CACNA1A: variants seen among roughly 807,000 people sequenced by gnomAD.
CACNA1A encodes the protein calcium voltage-gated channel subunit alpha1 A, also known as voltage-dependent P/Q-type calcium channel subunit alpha-1A.
CACNA1A carries 57 observed loss-of-function variants against 262.4 expected under a neutral mutation model. The observed-to-expected ratio is 0.22, with a 90% CI of 0.18 to 0.27. The LOEUF (loss-of-function observed/expected upper bound fraction) is 0.27, where lower values mean the gene tolerates loss of function less well. Among genes scored for constraint, CACNA1A ranks in the 10% least tolerant of loss-of-function variants. CACNA1A has a pLI of 1.00. For synonymous variants in CACNA1A, 1,431 were observed against 1,419.3 expected (o/e 1.01, Z -0.18); for missense variants, 2,526 against 3,562.8 (o/e 0.71, Z 7.41).
At chr19:13,208,115 C>T (rs1388982438) in intron 46 of CACNA1A, 62 bp from the exon 47 acceptor site, 3 of 993,964 alleles carry the variant, frequency 3.0e-6, no homozygotes, top group East Asian at 1.1e-4. Flanking sequence ...AAAGGAGACA[C>T]GGGATTGGGA....
At chr19:13,305,361 C>G (rs1231234181) in intron 15 of CACNA1A, among the ~76,000 whole-genome samples, 1 of 152,180 alleles carries the variant, frequency 6.6e-6, no homozygotes, top group Non-Finnish European at 1.5e-5. Flanking sequence ...TAGGTGTTGA[C>G]AGACGCAAGT....
intron 3 of CACNA1A, among the ~76,000 whole-genome samples, chr19:13,414,166 C>A (rs902063172): frequency 6.6e-6 from 1 of 151,656 alleles, no homozygotes; most frequent in African/African-American, 2.4e-5. Context: ...ATTGAAACTG[C>A]AATGAACTTT....
chr19:13,220,316 G>A (rs139681347), intron 38 of CACNA1A, among the ~76,000 whole-genome samples: 152 of 152,080 alleles, frequency 1.0e-3, no homozygotes, highest in African/African-American at 3.3e-3. Context: ...GATGATCAGG[G>A]TAGGCCTGCC....
rs1418873944 is a variant in CACNA1A, at chr19:13,214,136, C to T, written c.5940+97G>A. On this transcript the variant is annotated intron_variant, in intron 40 of 46. Transcript: ENST00000360228. This position sits in a 1 kb window ranked among gnomAD's most constrained non-coding sequence, Gnocchi z 4.1. ...AGCCCCTACTTTTCAGGGACCTGCC[C>T]TGGGGCTCAGCCACCCTCATATTCC... 2 of 991,890 alleles carry T rather than the reference C, an allele frequency of 2.0e-6. No individual in the cohort carries two copies. Among genetic ancestry groups the T allele is most frequent in the African/African-American group, 3.2e-5 (2 of 62,776 alleles). 61.4% of individuals were successfully genotyped at this position (991,890 alleles called of 1,614,324 possible). A position where few individuals can be genotyped will look rare whatever the true frequency, so the allele number is the denominator to read the frequency against.
chr19:13,359,096 T>C (rs1417356001), intron 6 of CACNA1A, among the ~76,000 whole-genome samples: 1 of 152,154 alleles, frequency 6.6e-6, no homozygotes, highest in Non-Finnish European at 1.5e-5. Flanking sequence ...AATCTGGCCA[T>C]GGGCAGGGAA....
chr19:13,326,263 C>T (rs748589558), intron 10 of CACNA1A, among the ~76,000 whole-genome samples: 3 of 150,630 alleles, frequency 2.0e-5, no homozygotes, highest in African/African-American at 4.9e-5. Flanking sequence ...TGCAGTGAGC[C>T]GAGATCGCAC....
At position 13,388,321 on chromosome 19, in the gene CACNA1A, T is replaced by C. The variant is rs553140026; in HGVS notation, c.540-16542A>G. 2.4e-4 allele frequency among the ~76,000 whole-genome samples: 35 copies of C among 145,116 alleles called. No individual in the cohort carries two copies. In the South Asian group the frequency reaches 7.4e-3, roughly 31 times the overall value. On this transcript the variant is annotated intron_variant, in intron 3 of 46. Coordinates refer to ENST00000360228, the MANE Select transcript of CACNA1A (RefSeq NM_001127222.2). The stretch of plus-strand genomic sequence containing the variant: ...CCCAGGCTGGAGTGCAATGGTGTGA[T>C]CTCAGCTCAATGCAACCTCTGCCTC...
chr19:13,478,057 G>A (rs183435550), intron 1 of CACNA1A, among the ~76,000 whole-genome samples: 16 of 152,184 alleles, frequency 1.1e-4, no homozygotes, highest in Admixed American at 3.3e-4. Flanking sequence ...TCTGTTCTTG[G>A]AAACTCAAAG....
chr19:13,325,883 T>G (rs1472920899), intron 10 of CACNA1A, among the ~76,000 whole-genome samples: 1 of 152,256 alleles, frequency 6.6e-6, no homozygotes, highest in African/African-American at 2.4e-5. Flanking sequence ...TTATTACATA[T>G]GCTTATCACT....
intron 33 of CACNA1A, 26 bp from the exon 34 acceptor site, chr19:13,235,062 G>A (rs2055827835): frequency 2.5e-6 from 4 of 1,576,270 alleles, no homozygotes; most frequent in Admixed American, 3.3e-5. Flanking sequence ...GTGACGACCA[G>A]GGGCTGCCAT....
intron 9 of CACNA1A, 146 bp downstream of exon 9, chr19:13,332,723 G>T (rs777063567): frequency 3.2e-5 from 16 of 506,004 alleles, no homozygotes; most frequent in Non-Finnish European, 5.4e-5. Flanking sequence ...GGGAAACTCT[G>T]CATGGAAGTC....
chr19:13,245,016 G>T lies in CACNA1A; in HGVS notation c.4950+166C>A, dbSNP rs78265973. ...CCCCACAATGCCCTCCTGAGGGGCT[G>T]CCCTTGTCCCCGGGGCCCCAGTTCT... On this transcript the variant is annotated intron_variant, in intron 31 of 46. Coordinates refer to ENST00000360228, the MANE Select transcript of CACNA1A (RefSeq NM_001127222.2). 3,473 of 622,358 alleles carry T rather than the reference G, an allele frequency of 5.6e-3. 68 individuals carry two copies. Among genetic ancestry groups the T allele is most frequent in the African/African-American group, 0.049 (2,675 of 54,924 alleles). The allele number at this position is 622,358 out of a possible 1,614,324, so 38.6% of individuals were successfully genotyped here.
chr19:13,271,297 T>G (rs972877874), intron 24 of CACNA1A: 1 of 137,252 alleles, frequency 7.3e-6, no homozygotes, highest in Non-Finnish European at 1.5e-5. Flanking sequence ...CTTGGCTCAC[T>G]GCAACCTTCA....
intron 22 of CACNA1A, among the ~76,000 whole-genome samples, chr19:13,280,670 G>T (rs1054721447): frequency 1.3e-5 from 2 of 152,012 alleles, no homozygotes; most frequent in African/African-American, 4.8e-5. Flanking sequence ...ACCGGGCGTG[G>T]TGGCTCACGC....
intron 36 of CACNA1A, chr19:13,228,651 A>G: frequency 3.8e-6 from 3 of 786,464 alleles, no homozygotes; most frequent in South Asian, 3.8e-5. Flanking sequence ...AAGAACCCCA[A>G]GCCACACTCA....
chr19:13,464,572 C>T (rs1196968032), intron 1 of CACNA1A, among the ~76,000 whole-genome samples: 7 of 126,574 alleles, frequency 5.5e-5, no homozygotes, highest in African/African-American at 1.0e-4. Context: ...TTTTAGAGAC[C>T]GAGTCTTGCT....
Position 13,255,871 on chromosome 19 carries a change from TCTTC to T in CACNA1A, c.4591-616_4591-613del, listed in dbSNP as rs906033917. Among the ~76,000 whole-genome samples the T allele has an allele frequency of 1.0e-4, 14 of 139,814 alleles. No homozygotes were observed. In the South Asian group the frequency reaches 1.5e-3, roughly 15 times the overall value. 91.7% of individuals were successfully genotyped at this position (139,814 alleles called of 152,430 possible). A position where few individuals can be genotyped will look rare whatever the true frequency, so the allele number is the denominator to read the frequency against. Reference sequence around the variant, plus strand: ...CCCCTTTCTCCTTTCCTTTCTCTCTTCTTCCTTCTTTCCTTCGCTCCCTTTCTTT... The same window carrying T: ...CCCCTTTCTCCTTTCCTTTCTCTCTTCTTCTTTCCTTCGCTCCCTTTCTTT... On this transcript the variant is annotated intron_variant, in intron 28 of 46. Transcript: ENST00000360228.
chr19:13,440,645 C>T (rs2060702497), intron 3 of CACNA1A, among the ~76,000 whole-genome samples: 1 of 152,170 alleles, frequency 6.6e-6, no homozygotes, highest in South Asian at 2.1e-4. Flanking sequence ...TTATTATTCC[C>T]ATTCCACAGA....
chr19:13,331,927 T>G (rs2058476008), intron 9 of CACNA1A, among the ~76,000 whole-genome samples: 2 of 152,194 alleles, frequency 1.3e-5, no homozygotes, highest in African/African-American at 4.8e-5. Flanking sequence ...CCCAAAGTGT[T>G]GGGATTACAG....
Sources: allele counts gnomAD v4.1 joint callset (sites outside exome capture counted in the v4.1 genomes callset), GRCh38; gene constraint gnomAD v4.1.1; non-coding constraint Gnocchi (gnomAD v3.1); transcripts MANE v1.5; gene names NCBI Gene and HGNC (gene_info 2026-07-23, HGNC 2026-07-21).